The following KCNH1 variants were observed in gnomAD, a reference collection of about 807,000 sequenced individuals.
KCNH1 encodes potassium voltage-gated channel subfamily H member 1, also known as voltage-gated delayed rectifier potassium channel KCNH1.
In KCNH1, 27 loss-of-function variants were observed where a neutral mutation model predicts 69.2. The ratio of observed to expected loss-of-function variants is 0.39; its 90% CI spans 0.29 to 0.54. The LOEUF (loss-of-function observed/expected upper bound fraction) is 0.54, where lower values mean the gene tolerates loss of function less well. Among genes scored for constraint, KCNH1 ranks in the 20% least tolerant of loss-of-function variants. The probability of loss-of-function intolerance (pLI) is 0.68; values close to 1 mark genes in which losing one functional copy is unlikely to be tolerated. For synonymous variants in KCNH1, 456 were observed against 487.7 expected, an observed-to-expected ratio of 0.93 and a Z score of 0.86; for missense variants, 798 against 1,261.6, an observed-to-expected ratio of 0.63 and a Z score of 5.57.
At chr1:211,015,349 A>G (rs1689473923) in intron 6 of KCNH1, among the ~76,000 whole-genome samples, 1 of 152,182 alleles carries the variant, frequency 6.6e-6, no homozygotes, top group African/African-American at 2.4e-5. Flanking sequence ...AAGGGAACCC[A>G]TTATTACTGT....
chr1:210,879,919 C>T (rs1163841614), intron 7 of KCNH1, among the ~76,000 whole-genome samples: 1 of 152,034 alleles, frequency 6.6e-6, no homozygotes, highest in Non-Finnish European at 1.5e-5. Flanking sequence ...AAGGTTAATA[C>T]ATAAAAATTA....
chr1:210,756,445 G>A (rs1184764579), intron 10 of KCNH1, among the ~76,000 whole-genome samples: 1 of 152,212 alleles, frequency 6.6e-6, no homozygotes, highest in Non-Finnish European at 1.5e-5. Context: ...AAGTGTGCCA[G>A]GAAATACAGC....
chr1:210,988,934 G>A (rs1688893282), intron 6 of KCNH1, among the ~76,000 whole-genome samples: 1 of 152,208 alleles, frequency 6.6e-6, no homozygotes, highest in Non-Finnish European at 1.5e-5. Context: ...AGCTTTGTGT[G>A]TCTCTATCAT....
At chr1:210,922,195 C>A (rs975992819) in intron 6 of KCNH1, among the ~76,000 whole-genome samples, 1 of 151,654 alleles carries the variant, frequency 6.6e-6, no homozygotes, top group Admixed American at 6.6e-5. Context: ...TCCTGGCTAA[C>A]ATGGTGAAAC....
chr1:211,120,791 T>G (rs918658914), intron 1 of KCNH1, among the ~76,000 whole-genome samples: 6 of 152,162 alleles, frequency 3.9e-5, no homozygotes, highest in Admixed American at 3.3e-4. Context: ...CACCATCATC[T>G]CAGCCCAAAA....
chr1:210,942,646 T>A (rs1350875902), intron 6 of KCNH1, among the ~76,000 whole-genome samples: 1 of 152,044 alleles, frequency 6.6e-6, no homozygotes, highest in Non-Finnish European at 1.5e-5. Context: ...AAACAAGCAG[T>A]CATATATACT....
chr1:210,927,580 AT>A (rs1277343318), intron 6 of KCNH1, among the ~76,000 whole-genome samples: 3 of 152,208 alleles, frequency 2.0e-5, no homozygotes, highest in Admixed American at 1.3e-4. Context: ...CTTGAAACAA[AT>A]CCTTGAAGTA....
intron 7 of KCNH1, among the ~76,000 whole-genome samples, chr1:210,883,450 A>T (rs560416671): frequency 6.6e-6 from 1 of 152,188 alleles, no homozygotes; most frequent in Non-Finnish European, 1.5e-5. Context: ...ATGTATCCTA[A>T]CAATTGTTGG....
chr1:211,071,577 G>A (rs950992230), intron 5 of KCNH1, among the ~76,000 whole-genome samples: 2 of 152,054 alleles, frequency 1.3e-5, no homozygotes, highest in Admixed American at 6.6e-5. Context: ...GCATCTTTAC[G>A]TCTGTAAATG....
At chr1:211,032,282 A>C (rs555121075) in intron 5 of KCNH1, among the ~76,000 whole-genome samples, 2 of 152,360 alleles carry the variant, frequency 1.3e-5, no homozygotes, top group Admixed American at 1.3e-4. Flanking sequence ...AATTGGAAGA[A>C]CATTCCATGC....
chr1:211,082,649 G>A (rs1257502177), intron 5 of KCNH1, 131 bp downstream of exon 5: 3 of 718,798 alleles, frequency 4.2e-6, no homozygotes, highest in East Asian at 5.0e-5. Context: ...TGGTGTGTAA[G>A]CCCAGCCAAG....
At chr1:211,075,625 G>A (rs1003435415) in intron 5 of KCNH1, among the ~76,000 whole-genome samples, 15 of 152,206 alleles carry the variant, frequency 9.9e-5, no homozygotes, top group African/African-American at 1.9e-4. Flanking sequence ...CAAGATGGCC[G>A]AATAGGAACA....
intron 10 of KCNH1, among the ~76,000 whole-genome samples, chr1:210,763,995 A>T (rs1017718026): frequency 2.0e-5 from 3 of 152,214 alleles, no homozygotes; most frequent in Non-Finnish European, 2.9e-5. Flanking sequence ...AGTAACAAAA[A>T]CAGCATGGTA....
intron 10 of KCNH1, among the ~76,000 whole-genome samples, chr1:210,695,431 C>T (rs1032518708): frequency 1.3e-5 from 2 of 152,180 alleles, no homozygotes; most frequent in African/African-American, 4.8e-5. Flanking sequence ...CATTTCTAAC[C>T]TACCTCTCAT....
At chr1:211,124,923 C>G (rs1691751327) in intron 1 of KCNH1, among the ~76,000 whole-genome samples, 1 of 152,130 alleles carries the variant, frequency 6.6e-6, no homozygotes, top group Non-Finnish European at 1.5e-5. Context: ...GAATAAGGAA[C>G]AGATGCACAT....
At chr1:210,688,829 GGTCT>G (rs1363778396) in intron 10 of KCNH1, among the ~76,000 whole-genome samples, 2 of 152,134 alleles carry the variant, frequency 1.3e-5, no homozygotes, top group Non-Finnish European at 2.9e-5. Context: ...GAGGTGCTGG[GGTCT>G]GTCTGGAGAG....
intron 7 of KCNH1, among the ~76,000 whole-genome samples, chr1:210,917,237 A>C (rs371301873): frequency 3.3e-4 from 44 of 131,816 alleles, no homozygotes; most frequent in African/African-American, 1.3e-3. Context: ...GAGAGAAAGA[A>C]AGAAAGAAAG....
At chr1:210,846,368 G>C (rs1685548191) in intron 7 of KCNH1, among the ~76,000 whole-genome samples, 1 of 152,116 alleles carries the variant, frequency 6.6e-6, no homozygotes, top group Non-Finnish European at 1.5e-5. Flanking sequence ...CATGGTACTG[G>C]TACCAAAACA....
intron 6 of KCNH1, among the ~76,000 whole-genome samples, chr1:210,941,842 G>T (rs1268042998): frequency 6.6e-6 from 1 of 152,140 alleles, no homozygotes; most frequent in African/African-American, 2.4e-5. Context: ...GCTAGAAGGA[G>T]GATCAGTATT....
Sources: gnomAD v4.1 joint callset for allele counts (sites outside exome capture counted in the v4.1 genomes callset) on GRCh38, gnomAD v4.1.1 for gene constraint, MANE v1.5 for transcripts, NCBI Gene and HGNC (gene_info 2026-07-23, HGNC 2026-07-21) for gene names.